KCNB2: variants seen among roughly 807,000 people sequenced by gnomAD.
KCNB2 encodes potassium voltage-gated channel subfamily B member 2, also known as delayed rectifier potassium channel protein.
In KCNB2, 15 loss-of-function variants were observed where a neutral mutation model predicts 61.5. That is an observed-to-expected ratio of 0.24 (90% confidence interval 0.16 to 0.38). The LOEUF (loss-of-function observed/expected upper bound fraction) is 0.38. Ranked by LOEUF, KCNB2 falls within the 10% of genes least tolerant of loss-of-function variation. The pLI, the probability that KCNB2 is intolerant of heterozygous loss-of-function variation, is 1.00. For synonymous variants in KCNB2, 457 were observed against 446.0 expected, an observed-to-expected ratio of 1.02 and a Z score of -0.31; for missense variants, 828 against 1,125.2, an observed-to-expected ratio of 0.74 and a Z score of 3.78.
intron 2 of KCNB2, among the ~76,000 whole-genome samples, chr8:72,902,027 T>C (rs537890478): frequency 1.6e-4 from 24 of 152,220 alleles, no homozygotes; most frequent in African/African-American, 5.8e-4. Flanking sequence ...TTCAGTAATG[T>C]GAAGGGCTCA....
At chr8:72,725,782 A>C (rs1807640132) in intron 2 of KCNB2, among the ~76,000 whole-genome samples, 1 of 151,574 alleles carries the variant, frequency 6.6e-6, no homozygotes. Flanking sequence ...TTGTATGCAC[A>C]GTAACTTACA....
At chr8:72,711,124 G>T (rs188813850) in intron 2 of KCNB2, among the ~76,000 whole-genome samples, 12 of 152,348 alleles carry the variant, frequency 7.9e-5, no homozygotes, top group African/African-American at 2.9e-4. Context: ...CTAGAAAGTT[G>T]CTGATTCTCA....
intron 2 of KCNB2, among the ~76,000 whole-genome samples, chr8:72,840,860 T>A (rs984470231): frequency 6.6e-6 from 1 of 152,218 alleles, no homozygotes; most frequent in African/African-American, 2.4e-5. Flanking sequence ...GGTTGCCTGT[T>A]CACTCTGATG....
chr8:72,769,057 G>A (rs1396284778), intron 2 of KCNB2, among the ~76,000 whole-genome samples: 5 of 152,146 alleles, frequency 3.3e-5, no homozygotes, highest in East Asian at 1.9e-4. Context: ...CTGCTCGGGA[G>A]GCTGAGGCAG....
intron 2 of KCNB2, among the ~76,000 whole-genome samples, chr8:72,926,015 T>TGA (rs1376557048): frequency 6.6e-6 from 1 of 152,212 alleles, no homozygotes; most frequent in Non-Finnish European, 1.5e-5. Flanking sequence ...AAACACCACA[T>TGA]GTTCTTACTT....
chr8:72,746,887 C>T (rs532507914), intron 2 of KCNB2, among the ~76,000 whole-genome samples: 32 of 152,220 alleles, frequency 2.1e-4, no homozygotes, highest in African/African-American at 5.3e-4. Flanking sequence ...ATTGTCTTGG[C>T]GCCTCAGTTT....
chr8:72,681,260 A>G (rs1018639388), intron 2 of KCNB2, among the ~76,000 whole-genome samples: 2 of 152,230 alleles, frequency 1.3e-5, no homozygotes, highest in African/African-American at 2.4e-5. Flanking sequence ...AGACAGCTTT[A>G]GAATAGAAAA....
intron 2 of KCNB2, among the ~76,000 whole-genome samples, chr8:72,787,230 A>G (rs1055278472): frequency 7.2e-5 from 11 of 152,108 alleles, no homozygotes; most frequent in Non-Finnish European, 1.2e-4. Context: ...TCCCGTCTCT[A>G]TAATTTTTTT....
chr8:72,787,738 A>G lies in KCNB2; in HGVS notation c.580-148197A>G, dbSNP rs1340003165. Among the ~76,000 whole-genome samples the G allele has an allele frequency of 2.0e-5, 3 of 152,104 alleles. No individual in the cohort carries two copies. The South Asian group carries it at 6.2e-4, about 32-fold the overall frequency. ...TGAGAGTTGCCTTGCCTCTTCCCTAACCCCCACCCCAGTAAAATATTGGCA... is the reference window on the plus strand; with the variant it reads ...TGAGAGTTGCCTTGCCTCTTCCCTAGCCCCCACCCCAGTAAAATATTGGCA... On this transcript the variant is annotated intron_variant, in intron 2 of 2. Transcript: ENST00000523207.
At chr8:72,698,767 G>T (rs1361996050) in intron 2 of KCNB2, among the ~76,000 whole-genome samples, 1 of 152,154 alleles carries the variant, frequency 6.6e-6, no homozygotes, top group Non-Finnish European at 1.5e-5. Context: ...ATGGGGAAAA[G>T]ACTTCCTACT....
intron 2 of KCNB2, among the ~76,000 whole-genome samples, chr8:72,743,916 T>C (rs866913026): frequency 4.6e-5 from 7 of 152,140 alleles, no homozygotes; most frequent in Non-Finnish European, 8.8e-5. Context: ...TTATATTTCA[T>C]AATGTAGTTT....
At chr8:72,713,628 A>C (rs1329750580) in intron 2 of KCNB2, among the ~76,000 whole-genome samples, 1 of 152,244 alleles carries the variant, frequency 6.6e-6, no homozygotes, top group East Asian at 1.9e-4. Context: ...ACTAACAAAC[A>C]GAAAGGACAT....
chr8:72,575,635 A>C (rs1194962889), intron 2 of KCNB2, among the ~76,000 whole-genome samples: 1 of 152,150 alleles, frequency 6.6e-6, no homozygotes, highest in Non-Finnish European at 1.5e-5. Context: ...ATGGAAACTA[A>C]ACAGCTTTGG....
chr8:72,723,268 TA>T (rs1290248631), intron 2 of KCNB2, among the ~76,000 whole-genome samples: 30 of 152,324 alleles, frequency 2.0e-4, no homozygotes, highest in African/African-American at 6.5e-4. Flanking sequence ...ATGATTGCAT[TA>T]ATGCATGCTG....
intron 2 of KCNB2, among the ~76,000 whole-genome samples, chr8:72,847,508 C>T (rs1389275886): frequency 2.6e-5 from 4 of 152,176 alleles, no homozygotes; most frequent in African/African-American, 7.2e-5. Flanking sequence ...CCCAGATATT[C>T]GTTAACTCAT....
intron 2 of KCNB2, among the ~76,000 whole-genome samples, chr8:72,588,517 G>A (rs2128981193): frequency 6.6e-6 from 1 of 151,988 alleles, no homozygotes; most frequent in Admixed American, 6.6e-5. Context: ...GAGATTACAG[G>A]CTTAAGCCAC....
At chr8:72,810,608 A>C (rs1809292103) in intron 2 of KCNB2, among the ~76,000 whole-genome samples, 1 of 152,216 alleles carries the variant, frequency 6.6e-6, no homozygotes, top group Non-Finnish European at 1.5e-5. Context: ...TAATGGGACC[A>C]ATTATGTGTT....
intron 2 of KCNB2, among the ~76,000 whole-genome samples, chr8:72,727,684 A>G (rs1388347762): frequency 6.6e-6 from 1 of 152,200 alleles, no homozygotes; most frequent in Non-Finnish European, 1.5e-5. Flanking sequence ...GGAGAATTAC[A>G]TGGACTTCCT....
At chr8:72,747,802 A>G (rs188865915) in intron 2 of KCNB2, among the ~76,000 whole-genome samples, 1 of 152,246 alleles carries the variant, frequency 6.6e-6, no homozygotes, top group Admixed American at 6.5e-5. Flanking sequence ...AACGAACAAG[A>G]TAATTGTCAA....
Sources: allele counts gnomAD v4.1 joint callset (sites outside exome capture counted in the v4.1 genomes callset), GRCh38; gene constraint gnomAD v4.1.1; transcripts MANE v1.5; gene names NCBI Gene and HGNC (gene_info 2026-07-23, HGNC 2026-07-21).